OPA1: variants seen among roughly 807,000 people sequenced by gnomAD.
OPA1 encodes the protein OPA1 mitochondrial dynamin like GTPase.
OPA1 carries 59 observed loss-of-function variants against 152.9 expected under a neutral mutation model. That is an observed-to-expected ratio of 0.39 (90% confidence interval 0.31 to 0.48). The LOEUF (loss-of-function observed/expected upper bound fraction) is 0.48. OPA1 is among the 20% of genes least tolerant of loss of function. OPA1 has a pLI of 0.96. For synonymous variants in OPA1, 400 were observed against 389.9 expected (o/e 1.03, Z -0.31); for missense variants, 1,008 against 1,216.8 (o/e 0.83, Z 2.55).
In OPA1 at chr3:193,697,497, A is replaced by C. The variant is rs1722350225; in HGVS notation, c.*2897A>C. 6.6e-6 allele frequency: 1 copy of C among 152,246 alleles called. No homozygotes were observed. Among genetic ancestry groups the C allele is most frequent in the Non-Finnish European group, 1.5e-5 (1 of 68,048 alleles). The allele number at this position is 152,246 out of a possible 1,614,324, so 9.4% of individuals were successfully genotyped here. A position where few individuals can be genotyped will look rare whatever the true frequency, so the allele number is the denominator to read the frequency against. On this transcript the variant is annotated 3_prime_UTR_variant, in exon 31 of 31. Coordinates refer to ENST00000361510, the MANE Select transcript of OPA1 (RefSeq NM_130837.3). ...GAGCTTGATCAAAGGTCATTTGTGT[A>C]GATGAGTAATTAAAAAATATTTAAA...
chr3:193,631,777 G>T (rs1732115872), intron 8 of OPA1, 112 bp downstream of exon 8: 1 of 844,232 alleles, frequency 1.2e-6, no homozygotes, highest in African/African-American at 1.7e-5. Flanking sequence ...AAGGTGTAAT[G>T]ATAGAACCTT....
intron 1 of OPA1, among the ~76,000 whole-genome samples, chr3:193,610,352 A>G (rs1728007068): frequency 6.6e-6 from 1 of 152,184 alleles, no homozygotes; most frequent in South Asian, 2.1e-4. Context: ...AGAACAACGA[A>G]TATTGGTGAA....
chr3:193,676,706 T>G (rs2935303), intron 29 of OPA1, among the ~76,000 whole-genome samples: 2 of 151,510 alleles, frequency 1.3e-5, no homozygotes, highest in African/African-American at 4.8e-5. Context: ...TGTGGCCGGG[T>G]GTGGTGGCTC....
chr3:193,658,950 G>T lies in OPA1; in HGVS notation c.2395G>T (p.Ala799Ser). The change falls in exon 24 of 31, where the codon GCT becomes TCT. Residue 799 changes from alanine to serine, a missense_variant. Transcript: ENST00000361510. ...ATCTGATAAACAGCAATGGGATGCA[G>T]CTATTTATTTTATGGAAGAGGCTCT... ...SISDKQQWDA[A>S]IYFMEEALQA... The T allele has an allele frequency of 6.2e-7, 1 of 1,613,910 alleles. No homozygotes were observed. Among genetic ancestry groups the T allele is most frequent in the Non-Finnish European group, 8.5e-7 (1 of 1,179,852 alleles).
chr3:193,683,870 A>G (rs1720551779), intron 29 of OPA1, among the ~76,000 whole-genome samples: 1 of 152,196 alleles, frequency 6.6e-6, no homozygotes, highest in African/African-American at 2.4e-5. Flanking sequence ...TATGTGACTC[A>G]CTTTATTGTG....
At chr3:193,684,896 T>C (rs1720723150) in intron 29 of OPA1, among the ~76,000 whole-genome samples, 1 of 152,068 alleles carries the variant, frequency 6.6e-6, no homozygotes, top group South Asian at 2.1e-4. Context: ...CTGAAGCCTT[T>C]TGGGGAATAG....
chr3:193,593,983 C>T (rs1256999980), intron 1 of OPA1, among the ~76,000 whole-genome samples: 1 of 152,082 alleles, frequency 6.6e-6, no homozygotes, highest in African/African-American at 2.4e-5. Context: ...TTCGAGATGC[C>T]CTTTCAATAG....
chr3:193,613,849 A>T (rs953368006), intron 1 of OPA1: 2 of 504,012 alleles, frequency 4.0e-6, no homozygotes, highest in African/African-American at 3.9e-5. Flanking sequence ...AAGTGCTGGG[A>T]TTACAGGTGT....
At chr3:193,689,478 A>G (rs967163962) in intron 29 of OPA1, among the ~76,000 whole-genome samples, 1 of 152,220 alleles carries the variant, frequency 6.6e-6, no homozygotes, top group Non-Finnish European at 1.5e-5. Context: ...ATTAAAGTAC[A>G]TTAAATAGTC....
intron 29 of OPA1, among the ~76,000 whole-genome samples, chr3:193,686,110 T>G (rs1720906409): frequency 6.6e-6 from 1 of 152,224 alleles, no homozygotes; most frequent in Non-Finnish European, 1.5e-5. Flanking sequence ...TACAGAAGAT[T>G]TTGTCTACAA....
intron 29 of OPA1, chr3:193,668,698 G>A (rs1029453947): frequency 2.1e-4 from 283 of 1,378,590 alleles, no homozygotes; most frequent in Admixed American, 2.0e-4. Context: ...TTGTAACCCA[G>A]GTCAGGCATT....
chr3:193,669,556 G>A (rs7616448), intron 29 of OPA1, among the ~76,000 whole-genome samples: 64,381 of 151,910 alleles, frequency 0.42, 13,928 homozygotes, highest in Non-Finnish European at 0.43. Flanking sequence ...AATTACTTCC[G>A]CAAACATTTG....
intron 29 of OPA1, among the ~76,000 whole-genome samples, chr3:193,669,276 G>C (rs1036944135): frequency 1.3e-5 from 2 of 152,186 alleles, no homozygotes; most frequent in Admixed American, 6.5e-5. Context: ...GTTCTGCATT[G>C]CTTTCTCCTT....
intron 29 of OPA1, chr3:193,668,337 G>C: frequency 6.4e-7 from 1 of 1,550,996 alleles, no homozygotes; most frequent in South Asian, 1.2e-5. Flanking sequence ...TCCCCAGCTC[G>C]GACTCAACAC....
At chr3:193,638,587 C>T (rs1175465151) in intron 11 of OPA1, among the ~76,000 whole-genome samples, 1 of 152,150 alleles carries the variant, frequency 6.6e-6, no homozygotes, top group Non-Finnish European at 1.5e-5. Context: ...AAAAACTGTT[C>T]TTAGAGTTAT....
At chr3:193,631,708 A>G (rs2108980082) in intron 8 of OPA1, 43 bp downstream of exon 8, 3 of 1,525,054 alleles carry the variant, frequency 2.0e-6, no homozygotes, top group East Asian at 4.5e-5. Flanking sequence ...TTTAAAAATT[A>G]TATTCGAATG....
intron 29 of OPA1, among the ~76,000 whole-genome samples, chr3:193,676,863 C>G (rs945165539): frequency 6.6e-6 from 1 of 151,824 alleles, no homozygotes; most frequent in African/African-American, 2.4e-5. Context: ...CGCCTGTAGT[C>G]CCAGCTGCTG....
chr3:193,639,311 T>C (rs1397376082), intron 11 of OPA1, among the ~76,000 whole-genome samples: 1 of 152,116 alleles, frequency 6.6e-6, no homozygotes, highest in Non-Finnish European at 1.5e-5. Flanking sequence ...TACATAATTG[T>C]ATAGTAGGTT....
At chr3:193,604,860 C>CAAAAAAAAAAAAAAAAAAAAAA (rs55904490) in intron 1 of OPA1, among the ~76,000 whole-genome samples, 1 of 104,594 alleles carries the variant, frequency 9.6e-6, no homozygotes, top group Non-Finnish European at 1.9e-5. Context: ...AACTCCATCT[C>CAAAAAAAAAAAAAAAAAAAAAA]AAAAAAAAAA....
Sources: allele counts gnomAD v4.1 joint callset (sites outside exome capture counted in the v4.1 genomes callset), GRCh38; gene constraint gnomAD v4.1.1; transcripts MANE v1.5; gene names NCBI Gene and HGNC (gene_info 2026-07-23, HGNC 2026-07-21).